CPEB1: variants seen among roughly 807,000 people sequenced by gnomAD.
CPEB1 encodes the protein cytoplasmic polyadenylation element-binding protein 1.
CPEB1 carries 7 observed loss-of-function variants against 65.8 expected under a neutral mutation model. That is an observed-to-expected ratio of 0.11 (90% CI 0.06 to 0.20). The LOEUF is 0.20. Ranked by LOEUF, CPEB1 falls within the 10% of genes least tolerant of loss-of-function variation. CPEB1 has a pLI of 1.00. For synonymous variants in CPEB1, 262 were observed against 260.0 expected, an observed-to-expected ratio of 1.01 and a Z score of -0.08; for missense variants, 551 against 712.2, an observed-to-expected ratio of 0.77 and a Z score of 2.58.
chr15:82,633,751 G>A (rs2046440865), intron 1 of CPEB1, among the ~76,000 whole-genome samples: 1 of 152,144 alleles, frequency 6.6e-6, no homozygotes, highest in Non-Finnish European at 1.5e-5. Context: ...TCATGAAACT[G>A]TTTTCCTATA....
chr15:82,642,239 G>A (rs909626420), intron 1 of CPEB1, among the ~76,000 whole-genome samples: 31 of 152,152 alleles, frequency 2.0e-4, no homozygotes, highest in African/African-American at 7.2e-4. Flanking sequence ...GGGTGCAAAG[G>A]AAGCAAAGTT....
chr15:82,586,717 A>G (rs1211724203), intron 3 of CPEB1, among the ~76,000 whole-genome samples: 1 of 152,232 alleles, frequency 6.6e-6, no homozygotes, highest in African/African-American at 2.4e-5. Context: ...CTGGTTTCAC[A>G]GCTATTCTAA....
chr15:82,589,271 C>T (rs1410317106), intron 3 of CPEB1, among the ~76,000 whole-genome samples: 2 of 152,246 alleles, frequency 1.3e-5, no homozygotes, highest in African/African-American at 2.4e-5. Context: ...CCTGCTCTGG[C>T]CTTAAACCAG....
intron 1 of CPEB1, among the ~76,000 whole-genome samples, chr15:82,646,489 C>G (rs587654239): frequency 6.6e-6 from 1 of 152,110 alleles, no homozygotes; most frequent in Non-Finnish European, 1.5e-5. Flanking sequence ...TCCTCCCAGG[C>G]GGGCCTGGCG....
intron 3 of CPEB1, among the ~76,000 whole-genome samples, chr15:82,610,590 G>A: frequency 6.6e-6 from 1 of 151,874 alleles, no homozygotes; most frequent in East Asian, 1.9e-4. Context: ...TCATCTCAAT[G>A]GACACAGACA....
chr15:82,565,453 C>G (rs1390934871), intron 4 of CPEB1, among the ~76,000 whole-genome samples: 2 of 152,170 alleles, frequency 1.3e-5, no homozygotes, highest in Non-Finnish European at 2.9e-5. Flanking sequence ...AGGAAAGGAG[C>G]AAAATAGCTA....
Position 82,636,298 on chromosome 15 carries a change from T to G in CPEB1, c.-97-7742A>C, listed in dbSNP as rs370429252. Among the ~76,000 whole-genome samples, 21 of 152,280 alleles carry G rather than the reference T, an allele frequency of 1.4e-4. 1 individual carries two copies. Among genetic ancestry groups the G allele is most frequent in the Admixed American group, 1.0e-3 (16 of 15,292 alleles). On this transcript the variant is annotated intron_variant, in intron 1 of 12. Coordinates refer to ENST00000684509, the MANE Select transcript of CPEB1 (RefSeq NM_001365242.1). ...CTTCCCCAAAAAGACACTAAACAACTGCTCCCAAATTAATGCCTTCATAGC... is the reference window on the plus strand; with the variant it reads ...CTTCCCCAAAAAGACACTAAACAACGGCTCCCAAATTAATGCCTTCATAGC...
At chr15:82,591,580 C>G (rs548775435) in intron 3 of CPEB1, among the ~76,000 whole-genome samples, 2 of 152,110 alleles carry the variant, frequency 1.3e-5, no homozygotes, top group Admixed American at 1.3e-4. Context: ...TTTTCTCTCT[C>G]CAATGATCAG....
chr15:82,578,371 A>C (rs184056993), intron 3 of CPEB1, among the ~76,000 whole-genome samples: 24 of 152,336 alleles, frequency 1.6e-4, no homozygotes, highest in Non-Finnish European at 3.4e-4. Flanking sequence ...TAAATCAAAG[A>C]ATTGTATGAA....
chr15:82,586,939 A>G (rs2041852082), intron 3 of CPEB1, among the ~76,000 whole-genome samples: 1 of 152,232 alleles, frequency 6.6e-6, no homozygotes, highest in Admixed American at 6.5e-5. Flanking sequence ...ATGACAATGA[A>G]TTAACACACT....
rs1346247872 is a variant in CPEB1, at chr15:82,606,691, G to A, written c.271+20502C>T. ...AAATTAGCCGGGCGTAGTGGCGGGC[G>A]CCTGTAGTCCCAGCTACTTGGGAGG... On this transcript the variant is annotated intron_variant, in intron 3 of 12. Transcript: ENST00000684509. 4.0e-5 allele frequency among the ~76,000 whole-genome samples: 4 copies of A among 100,502 alleles called. 2 individuals carry two copies. Among genetic ancestry groups the A allele is most frequent in the African/African-American group, 8.4e-5 (2 of 23,918 alleles). 65.9% of individuals were successfully genotyped at this position (100,502 alleles called of 152,430 possible).
At chr15:82,563,851 AAAAC>A (rs1271546731) in intron 4 of CPEB1, among the ~76,000 whole-genome samples, 1 of 152,164 alleles carries the variant, frequency 6.6e-6, no homozygotes, top group Non-Finnish European at 1.5e-5. Context: ...GACAGGAAGA[AAAAC>A]AAGTCAATTC....
intron 1 of CPEB1, chr15:82,629,956 A>G (rs2046100970): frequency 2.0e-6 from 2 of 985,280 alleles, no homozygotes; most frequent in Non-Finnish European, 1.2e-6. Context: ...AAAATACACA[A>G]TCCTACAAGG....
intron 10 of CPEB1, among the ~76,000 whole-genome samples, chr15:82,547,463 A>AT (rs1165004159): frequency 6.6e-6 from 1 of 150,602 alleles, no homozygotes; most frequent in Non-Finnish European, 1.5e-5. Context: ...CACCCAGCTA[A>AT]TTTTTTGTAT....
chr15:82,575,637 A>T (rs2040569981), intron 3 of CPEB1, among the ~76,000 whole-genome samples: 1 of 152,184 alleles, frequency 6.6e-6, no homozygotes, highest in Non-Finnish European at 1.5e-5. Context: ...ACAAAATCTG[A>T]AAAGCACTTC....
intron 4 of CPEB1, chr15:82,562,355 G>GC (rs1304873134): frequency 5.6e-6 from 2 of 356,190 alleles, no homozygotes; most frequent in Non-Finnish European, 1.1e-5. Flanking sequence ...CATTAAAAAT[G>GC]CATTTTGGGT....
chr15:82,591,740 A>G (rs913727095), intron 3 of CPEB1, among the ~76,000 whole-genome samples: 1 of 151,966 alleles, frequency 6.6e-6, no homozygotes, highest in Non-Finnish European at 1.5e-5. Context: ...CTACAGATTT[A>G]CCTATTCTGG....
At chr15:82,609,533 A>G (rs2043936043) in intron 3 of CPEB1, among the ~76,000 whole-genome samples, 1 of 151,926 alleles carries the variant, frequency 6.6e-6, no homozygotes, top group South Asian at 2.1e-4. Context: ...TAGTAATTAA[A>G]TATCAATAAC....
chr15:82,575,464 A>G (rs1438766875), intron 3 of CPEB1, among the ~76,000 whole-genome samples: 1 of 152,198 alleles, frequency 6.6e-6, no homozygotes, highest in African/African-American at 2.4e-5. Flanking sequence ...GAGAAAGTTG[A>G]TAAGCTGACC....
Sources: allele counts gnomAD v4.1 joint callset (sites outside exome capture counted in the v4.1 genomes callset), GRCh38; gene constraint gnomAD v4.1.1; transcripts MANE v1.5; gene names NCBI Gene and HGNC (gene_info 2026-07-23, HGNC 2026-07-21).